The following DNAH9 variants were observed in gnomAD, a reference collection of about 807,000 sequenced individuals.
DNAH9 encodes the protein dynein axonemal heavy chain 9.
A neutral mutation model predicts 471.6 loss-of-function variants in DNAH9; 345 were observed. That is an observed-to-expected ratio of 0.73 (90% CI 0.67 to 0.80). DNAH9 has a LOEUF of 0.80. DNAH9 is among the 30% of genes least tolerant of loss of function. The pLI, the probability that DNAH9 is intolerant of heterozygous loss-of-function variation, is 0.00. For missense variants in DNAH9, 5,407 were observed against 5,609.2 expected, an observed-to-expected ratio of 0.96 and a Z score of 1.15; for synonymous variants, 2,093 against 2,123.6, an observed-to-expected ratio of 0.99 and a Z score of 0.40.
At chr17:11,747,141 T>C (rs1333348018) in intron 31 of DNAH9, among the ~76,000 whole-genome samples, 1 of 152,222 alleles carries the variant, frequency 6.6e-6, no homozygotes, top group African/African-American at 2.4e-5. Flanking sequence ...TGTGGGGACT[T>C]GTAAGTTATG....
chr17:11,949,956 G>A (rs1455101788), intron 67 of DNAH9, among the ~76,000 whole-genome samples: 1 of 152,104 alleles, frequency 6.6e-6, no homozygotes, highest in Non-Finnish European at 1.5e-5. Context: ...AAGCAGATGT[G>A]GGAAATTTTT....
At chr17:11,815,658 G>A (rs773579774) in intron 45 of DNAH9, among the ~76,000 whole-genome samples, 6 of 152,086 alleles carry the variant, frequency 3.9e-5, no homozygotes, top group Non-Finnish European at 8.8e-5. Flanking sequence ...GCTTGATGGA[G>A]CGCACCTCAG....
chr17:11,914,502 T>C (rs1183142686), intron 61 of DNAH9, among the ~76,000 whole-genome samples: 3 of 152,164 alleles, frequency 2.0e-5, no homozygotes, highest in Non-Finnish European at 2.9e-5. Flanking sequence ...TCTCCATCCT[T>C]ACTTTGCTGG....
chr17:11,814,018 T>G (rs1263014048), intron 45 of DNAH9, among the ~76,000 whole-genome samples: 1 of 152,206 alleles, frequency 6.6e-6, no homozygotes, highest in Non-Finnish European at 1.5e-5. Context: ...ATAGGGGTCA[T>G]GCAACTGCTG....
intron 22 of DNAH9, among the ~76,000 whole-genome samples, 185 bp downstream of exon 22, chr17:11,694,632 T>C (rs111553110): frequency 0.19 from 807 of 4,250 alleles, 41 homozygotes; most frequent in Middle Eastern, 0.5. Flanking sequence ...CTTGCTTTCT[T>C]GCTTTCTTGC....
intron 41 of DNAH9, among the ~76,000 whole-genome samples, chr17:11,792,767 T>C (rs1969108401): frequency 6.6e-6 from 1 of 152,236 alleles, no homozygotes; most frequent in African/African-American, 2.4e-5. Context: ...AATTGAAATA[T>C]AGCAGAGAAA....
intron 67 of DNAH9, among the ~76,000 whole-genome samples, chr17:11,944,619 G>A (rs188722373): frequency 3.3e-5 from 5 of 152,282 alleles, no homozygotes; most frequent in African/African-American, 4.8e-5. Flanking sequence ...GTCCCACTGC[G>A]AAATGGAAGA....
intron 43 of DNAH9, among the ~76,000 whole-genome samples, chr17:11,803,213 T>TC (rs1969532868): frequency 1.3e-5 from 2 of 152,240 alleles, no homozygotes; most frequent in Non-Finnish European, 2.9e-5. Flanking sequence ...CCAGATCTTT[T>TC]CCCCCGCTTT....
At position 11,744,912 on chromosome 17, in the gene DNAH9, A is replaced by C; in HGVS notation, c.6227A>C (p.Asp2076Ala). 1 of 1,614,180 alleles carries C rather than the reference A, an allele frequency of 6.2e-7. No individual in the cohort carries two copies. Among genetic ancestry groups the C allele is most frequent in the Non-Finnish European group, 8.5e-7 (1 of 1,180,038 alleles). Residue 2076 changes from aspartate to alanine, a missense_variant, in exon 31 of 69, where the codon GAT becomes GCT. Asp to Ala is a moderately radical substitution (Grantham distance 126). Transcript: ENST00000262442. ...EDQVLMRSLR[D>A]FNIPKIVTDD... Reference sequence around the variant, plus strand: ...CAGGTCCTGATGCGCTCCTTGCGGGATTTCAACATCCCCAAGATTGTGACT... The same window carrying C: ...CAGGTCCTGATGCGCTCCTTGCGGGCTTTCAACATCCCCAAGATTGTGACT...
At chr17:11,719,511 CTGGGGG>C in intron 27 of DNAH9, 21 bp downstream of exon 27, 1 of 1,082,372 alleles carries the variant, frequency 9.2e-7, no homozygotes, top group Non-Finnish European at 1.4e-6. Flanking sequence ...ACCCGGCTTC[CTGGGGG>C]TGGGGGTGGG....
chr17:11,804,155 G>C (rs193287782), intron 43 of DNAH9, among the ~76,000 whole-genome samples: 5 of 152,292 alleles, frequency 3.3e-5, no homozygotes, highest in African/African-American at 1.2e-4. Flanking sequence ...AGGAAAGCAA[G>C]AGAAGTGTAA....
chr17:11,859,884 A>G (rs570446898), intron 50 of DNAH9, among the ~76,000 whole-genome samples: 46 of 152,280 alleles, frequency 3.0e-4, no homozygotes, highest in Non-Finnish European at 5.9e-4. Context: ...CCCACTTCCA[A>G]CACTGGGAAT....
At chr17:11,720,658 T>C (rs1254118279) in intron 27 of DNAH9, among the ~76,000 whole-genome samples, 1 of 152,230 alleles carries the variant, frequency 6.6e-6, no homozygotes, top group Non-Finnish European at 1.5e-5. Flanking sequence ...TGCTTGCCGT[T>C]ACCACGTATA....
rs932644549 is a variant in DNAH9, at chr17:11,932,790, C to A, written c.12297+585C>A. Among the ~76,000 whole-genome samples the A allele has an allele frequency of 3.3e-5, 5 of 151,848 alleles. No individual in the cohort carries two copies. The highest frequency in any genetic ancestry group is 3.3e-4 in the Admixed American group (5 of 15,218). On this transcript the variant is annotated intron_variant, in intron 64 of 68. Transcript: ENST00000262442. This position sits in a 1 kb window ranked among gnomAD's most constrained non-coding sequence, Gnocchi z 4.3. ...CCATGAGAGTTTGTCCCGGGCCCCA[C>A]CAGACCATACCTATGTCTTCACAGC...
At chr17:11,825,888 C>G (rs1970471990) in intron 48 of DNAH9, among the ~76,000 whole-genome samples, 1 of 152,082 alleles carries the variant, frequency 6.6e-6, no homozygotes, top group Non-Finnish European at 1.5e-5. Context: ...CAGGCAATTC[C>G]CAGAATCAGG....
chr17:11,954,769 TAAAAAAAAA>T (rs34740871), intron 67 of DNAH9, among the ~76,000 whole-genome samples: 1 of 118,734 alleles, frequency 8.4e-6, no homozygotes, highest in African/African-American at 3.0e-5. Flanking sequence ...GACTTCGTCT[TAAAAAAAAA>T]AAAAAAAAAA....
At chr17:11,660,319 C>CTT (rs1208889792) in intron 14 of DNAH9, among the ~76,000 whole-genome samples, 4,330 of 97,476 alleles carry the variant, frequency 0.044, 238 homozygotes, top group Non-Finnish European at 0.053. Context: ...TTAAATGTTT[C>CTT]TTTTTTTTTT....
chr17:11,608,170 C>G lies in DNAH9; in HGVS notation c.459C>G (p.Asn153Lys), dbSNP rs570814647. The G allele has an allele frequency of 2.5e-6, 4 of 1,612,452 alleles. No homozygotes were observed. Among genetic ancestry groups the G allele is most frequent in the Non-Finnish European group, 3.4e-6 (4 of 1,178,644 alleles). The stretch of plus-strand genomic sequence containing the variant: ...TGGCCAATGAGAAGAATCGCCTAAA[C>G]TGGCCCCACATGATATGTGAGGATG... ...PVLANEKNRL[N>K]WPHMICEDVR... Residue 153 changes from asparagine to lysine, a missense_variant, in exon 2 of 69, where the codon AAC becomes AAG. By Grantham distance (94) the Asn-to-Lys change is moderately conservative. Transcript: ENST00000262442.
Position 11,688,099 on chromosome 17 carries a change from AAG to A in DNAH9, c.3744-1465_3744-1464del, listed in dbSNP as rs1454015421. Among the ~76,000 whole-genome samples the A allele has an allele frequency of 1.5e-3, 218 of 141,670 alleles. 9 individuals carry two copies. Among genetic ancestry groups the A allele is most frequent in the African/African-American group, 3.8e-3 (137 of 35,884 alleles). 92.9% of individuals were successfully genotyped at this position (141,670 alleles called of 152,430 possible). A position where few individuals can be genotyped will look rare whatever the true frequency, so the allele number is the denominator to read the frequency against. On this transcript the variant is annotated intron_variant, in intron 19 of 68. Coordinates refer to ENST00000262442, the MANE Select transcript of DNAH9 (RefSeq NM_001372.4). The stretch of plus-strand genomic sequence containing the variant: ...CAGTAAGCCAAAAAAAAAAAAAAAA[AAG>A]AAAAAGCCATCTGCCTACATGGGTT...
Sources: gnomAD v4.1 joint callset for allele counts (sites outside exome capture counted in the v4.1 genomes callset) on GRCh38, gnomAD v4.1.1 for gene constraint, Gnocchi (gnomAD v3.1) non-coding constraint, MANE v1.5 for transcripts, NCBI Gene and HGNC (gene_info 2026-07-23, HGNC 2026-07-21) for gene names.